The following RTN4RL1 variants were observed in gnomAD, a reference collection of about 807,000 sequenced individuals.
RTN4RL1 encodes reticulon 4 receptor like 1, also known as reticulon-4 receptor-like 1.
RTN4RL1 carries 7 observed loss-of-function variants against 25.6 expected under a neutral mutation model. That is an observed-to-expected ratio of 0.27 (90% CI 0.16 to 0.51). The LOEUF is 0.51. Ranked by LOEUF, RTN4RL1 falls within the 20% of genes least tolerant of loss-of-function variation. The pLI is 0.97. For synonymous variants in RTN4RL1, 297 were observed against 288.2 expected (o/e 1.03, Z -0.31); for missense variants, 500 against 615.6 (o/e 0.81, Z 1.99).
At chr17:1,957,520 C>T (rs1915816910) in intron 1 of RTN4RL1, among the ~76,000 whole-genome samples, 1 of 152,180 alleles carries the variant, frequency 6.6e-6, no homozygotes, top group South Asian at 2.1e-4. Context: ...CCTCATTTTA[C>T]ACTTGAGAAA....
chr17:2,024,413 C>CG (rs1370853175), intron 1 of RTN4RL1, among the ~76,000 whole-genome samples: 5 of 152,156 alleles, frequency 3.3e-5, no homozygotes, highest in African/African-American at 9.6e-5. Flanking sequence ...GGGGAGCGCC[C>CG]GGGCCGCGCG....
chr17:2,002,831 C>T (rs530033187), intron 1 of RTN4RL1, among the ~76,000 whole-genome samples: 159 of 152,308 alleles, frequency 1.0e-3, no homozygotes, highest in African/African-American at 3.1e-3. Flanking sequence ...CTCCATACCC[C>T]GGCTACCAGG....
chr17:1,984,009 G>A (rs779210886), intron 1 of RTN4RL1, among the ~76,000 whole-genome samples: 6 of 152,188 alleles, frequency 3.9e-5, no homozygotes, highest in Admixed American at 6.5e-5. Context: ...CCCTGAGGCC[G>A]AGGAAACCCC....
At chr17:1,982,590 G>A (rs1334795544) in intron 1 of RTN4RL1, among the ~76,000 whole-genome samples, 2 of 151,748 alleles carry the variant, frequency 1.3e-5, no homozygotes, top group Non-Finnish European at 2.9e-5. Flanking sequence ...CTCCAGCCTG[G>A]GGGTCAGAGC....
At chr17:2,015,199 C>T (rs1022364202) in intron 1 of RTN4RL1, among the ~76,000 whole-genome samples, 2 of 151,892 alleles carry the variant, frequency 1.3e-5, no homozygotes, top group South Asian at 2.1e-4. Flanking sequence ...TCGCGAGGCA[C>T]GGAGGGTGTG....
At chr17:1,989,448 C>T (rs1032836099) in intron 1 of RTN4RL1, among the ~76,000 whole-genome samples, 2 of 151,954 alleles carry the variant, frequency 1.3e-5, no homozygotes, top group Admixed American at 6.6e-5. Context: ...GGCTCTACTG[C>T]GAGCACGCTG....
Position 1,935,811 on chromosome 17 carries a change from G to C in RTN4RL1, c.*685C>G, listed in dbSNP as rs1597482423. 2 of 982,574 alleles carry C rather than the reference G, an allele frequency of 2.0e-6. No individual in the cohort carries two copies. The highest frequency in any genetic ancestry group is 3.5e-5 in the African/African-American group (2 of 56,364). 60.9% of individuals were successfully genotyped at this position (982,574 alleles called of 1,614,324 possible). ...TTAGTTATAAAACTGCACCTTCTGT[G>C]AGAACCTCATTGCCCGGGATGAAGT... On this transcript the variant is annotated 3_prime_UTR_variant, in exon 2 of 2. Coordinates refer to ENST00000331238, the MANE Select transcript of RTN4RL1 (RefSeq NM_178568.4).
intron 1 of RTN4RL1, among the ~76,000 whole-genome samples, chr17:1,986,118 G>A (rs535918402): frequency 6.6e-6 from 1 of 152,164 alleles, no homozygotes; most frequent in African/African-American, 2.4e-5. Context: ...GTGGAAGAGA[G>A]CCATCTCCAG....
At chr17:1,970,926 G>A (rs905331345) in intron 1 of RTN4RL1, among the ~76,000 whole-genome samples, 2 of 151,016 alleles carry the variant, frequency 1.3e-5, no homozygotes, top group African/African-American at 2.4e-5. Context: ...CTAGAGAAGC[G>A]AGCCTACACA....
At chr17:1,950,106 G>C (rs78118164) in intron 1 of RTN4RL1, among the ~76,000 whole-genome samples, 21,665 of 152,162 alleles carry the variant, frequency 0.14, 1,998 homozygotes, top group Admixed American at 0.18. Flanking sequence ...AGCCCGGGGC[G>C]GGAGCAACAG....
At chr17:1,978,644 G>A (rs2066854086) in intron 1 of RTN4RL1, among the ~76,000 whole-genome samples, 1 of 151,732 alleles carries the variant, frequency 6.6e-6, no homozygotes, top group Non-Finnish European at 1.5e-5. Flanking sequence ...GGGGGGGGTG[G>A]AGGGTGGGCT....
chr17:1,997,415 C>T (rs937959727), intron 1 of RTN4RL1, among the ~76,000 whole-genome samples: 18 of 152,202 alleles, frequency 1.2e-4, no homozygotes, highest in Non-Finnish European at 2.4e-4. Context: ...GTTTTATTCT[C>T]TACACTGAGT....
In RTN4RL1 at chr17:1,998,722, A is replaced by C. The variant is rs1297980119; in HGVS notation, c.13+26131T>G. On this transcript the variant is annotated intron_variant, in intron 1 of 1. Coordinates refer to ENST00000331238, the MANE Select transcript of RTN4RL1 (RefSeq NM_178568.4). The surrounding 1 kb of genome is among the most constrained non-coding windows in gnomAD (Gnocchi z 4.9). ...GGAGCGCCCGGGCCCCGCTCCCCTC[A>C]CGGGCCTCGCAGCACAGACGGGGAC... 1.4e-5 allele frequency among the ~76,000 whole-genome samples: 2 copies of C among 141,150 alleles called. No homozygotes were observed. The highest frequency in any genetic ancestry group is 2.6e-5 in the African/African-American group (1 of 38,692). 92.6% of individuals were successfully genotyped at this position (141,150 alleles called of 152,430 possible).
At chr17:2,008,515 G>T (rs1057289708) in intron 1 of RTN4RL1, among the ~76,000 whole-genome samples, 10 of 152,114 alleles carry the variant, frequency 6.6e-5, no homozygotes, top group Admixed American at 6.6e-4. Context: ...GGGCTGTGGG[G>T]TTGTAGTGAT....
chr17:1,936,804 C>T lies in RTN4RL1; in HGVS notation c.1018G>A (p.Gly340Ser), dbSNP rs1437939279. ...CCGGGCCGGGGGCCGTGCGGGTGGC[C>T]CTTGCTCCTGGTGGGGCCGTGGGGT... ...HSPHGPTRSK[G>S]HPHGPRPGHR... Residue 340 changes from glycine (G) to serine (S), a missense_variant, in exon 2 of 2, where the codon GGC (glycine) becomes AGC (serine). Physicochemically the swap from Gly to Ser is moderately conservative, Grantham distance 56. Around this residue, in one of 2 missense-constraint regions of RTN4RL1, gnomAD observed 268 missense variants for 274.5 expected, o/e 0.98. Transcript: ENST00000331238. 2.5e-6 allele frequency: 4 copies of T among 1,584,238 alleles called. No homozygotes were observed. In the East Asian group the frequency reaches 6.7e-5, roughly 27 times the overall value.
chr17:2,000,476 G>C (rs2066952039), intron 1 of RTN4RL1, among the ~76,000 whole-genome samples: 1 of 151,920 alleles, frequency 6.6e-6, no homozygotes, highest in Non-Finnish European at 1.5e-5. Context: ...CCGAGTAACT[G>C]GGATTACAAG....
chr17:2,000,430 C>T (rs1461893817), intron 1 of RTN4RL1, among the ~76,000 whole-genome samples: 2 of 152,114 alleles, frequency 1.3e-5, no homozygotes, highest in Non-Finnish European at 2.9e-5. Flanking sequence ...GCTACCTCCA[C>T]CTCCTGGGTT....
chr17:2,025,176 G>A lies in RTN4RL1; in HGVS notation c.-311C>T, dbSNP rs1227314887. The A allele has an allele frequency of 1.5e-5, 4 of 261,534 alleles. No homozygotes were observed. The highest frequency in any genetic ancestry group is 1.7e-4 in the South Asian group (1 of 5,914). 16.2% of individuals were successfully genotyped at this position (261,534 alleles called of 1,614,324 possible). On this transcript the variant is annotated 5_prime_UTR_variant, in exon 1 of 2. Transcript: ENST00000331238. This position sits in a 1 kb window ranked among gnomAD's most constrained non-coding sequence, Gnocchi z 4.8. ...CTGCCACCCGGAGCACTTCGCAGGC[G>A]GTTTTGAGGGGGGACGCCGCCCCCT...
At position 1,998,479 on chromosome 17, in the gene RTN4RL1, G is replaced by A. The variant is rs374589680; in HGVS notation, c.13+26374C>T. Among the ~76,000 whole-genome samples the A allele has an allele frequency of 4.3e-4, 66 of 152,050 alleles. No individual in the cohort carries two copies. The East Asian group carries it at 0.011, about 26-fold the overall frequency. ...TGCGCACCCCACGCGCCCCGCTCGGGTCGGGCCTCCCCTCCCCGCGGCTGC... is the reference window on the plus strand; with the variant it reads ...TGCGCACCCCACGCGCCCCGCTCGGATCGGGCCTCCCCTCCCCGCGGCTGC... On this transcript the variant is annotated intron_variant, in intron 1 of 1. Coordinates refer to ENST00000331238, the MANE Select transcript of RTN4RL1 (RefSeq NM_178568.4). This position sits in a 1 kb window ranked among gnomAD's most constrained non-coding sequence, Gnocchi z 4.9.
Sources: gnomAD v4.1 joint callset for allele counts (sites outside exome capture counted in the v4.1 genomes callset) on GRCh38, gnomAD v4.1.1 for gene constraint, gnomAD v4.1.1 regional missense constraint, Gnocchi (gnomAD v3.1) non-coding constraint, MANE v1.5 for transcripts, NCBI Gene and HGNC (gene_info 2026-07-23, HGNC 2026-07-21) for gene names.